Variants in MAP2 observed in about 807,000 individuals in gnomAD.
MAP2 encodes microtubule associated protein 2, also known as microtubule-associated protein 2.
In MAP2, 14 loss-of-function variants were observed where a neutral mutation model predicts 137.6. That is an observed-to-expected ratio of 0.10 (90% confidence interval 0.07 to 0.16). The LOEUF (loss-of-function observed/expected upper bound fraction) is 0.16. MAP2 is among the 10% of genes least tolerant of loss of function. The probability of loss-of-function intolerance (pLI) is 1.00; values close to 1 mark genes in which losing one functional copy is unlikely to be tolerated. For missense variants in MAP2, 2,088 were observed against 2,191.5 expected, an observed-to-expected ratio of 0.95 and a Z score of 0.94; for synonymous variants, 786 against 782.3, an observed-to-expected ratio of 1.00 and a Z score of -0.08.
At chr2:209,681,481 A>G (rs2054538360) in intron 7 of MAP2, among the ~76,000 whole-genome samples, 1 of 152,158 alleles carries the variant, frequency 6.6e-6, no homozygotes, top group Non-Finnish European at 1.5e-5. Context: ...TTCAATTCTC[A>G]TTGATACAAC....
chr2:209,725,368 G>T (rs1037524789), intron 13 of MAP2, among the ~76,000 whole-genome samples: 1 of 152,110 alleles, frequency 6.6e-6, no homozygotes, highest in African/African-American at 2.4e-5. Flanking sequence ...TCTTCCCTTG[G>T]CTCTTTGCTT....
At chr2:209,536,343 T>G (rs1026801074) in intron 2 of MAP2, among the ~76,000 whole-genome samples, 4 of 152,212 alleles carry the variant, frequency 2.6e-5, no homozygotes, top group Non-Finnish European at 5.9e-5. Flanking sequence ...ATCTCTATGC[T>G]TCATTTTGGG....
chr2:209,566,772 T>C (rs559044243), intron 2 of MAP2, among the ~76,000 whole-genome samples: 1 of 152,284 alleles, frequency 6.6e-6, no homozygotes, highest in East Asian at 1.9e-4. Flanking sequence ...AAGTTTCTTT[T>C]TCATCACACT....
At chr2:209,528,771 T>C (rs370194119) in intron 2 of MAP2, among the ~76,000 whole-genome samples, 137 of 148,866 alleles carry the variant, frequency 9.2e-4, no homozygotes, top group East Asian at 2.8e-3. Context: ...TATATATGTA[T>C]ATGTACATAT....
chr2:209,543,027 T>A (rs1300756014), intron 2 of MAP2, among the ~76,000 whole-genome samples: 4 of 152,256 alleles, frequency 2.6e-5, no homozygotes, highest in Non-Finnish European at 4.4e-5. Flanking sequence ...GTTTTTAACA[T>A]GCCTGCCTCA....
At chr2:209,578,549 C>T (rs547831056) in intron 2 of MAP2, among the ~76,000 whole-genome samples, 1 of 151,972 alleles carries the variant, frequency 6.6e-6, no homozygotes, top group Admixed American at 6.5e-5. Context: ...TGCTTCTTCC[C>T]AGCAACCTTC....
chr2:209,512,015 C>T (rs773361235), intron 2 of MAP2, among the ~76,000 whole-genome samples: 1 of 152,096 alleles, frequency 6.6e-6, no homozygotes, highest in Admixed American at 6.6e-5. Context: ...ATCTTTTCCT[C>T]TGGCTTAACC....
intron 2 of MAP2, among the ~76,000 whole-genome samples, chr2:209,545,724 A>T (rs2067919668): frequency 6.6e-6 from 1 of 152,210 alleles, no homozygotes; most frequent in African/African-American, 2.4e-5. Context: ...GAAGTTCAGG[A>T]TCTTTTTGTG....
At chr2:209,689,539 A>C (rs1345145155) in intron 7 of MAP2, among the ~76,000 whole-genome samples, 2 of 152,126 alleles carry the variant, frequency 1.3e-5, no homozygotes, top group African/African-American at 4.8e-5. Flanking sequence ...CTGACATTTC[A>C]AGTGTAAATG....
At chr2:209,657,241 G>C (rs1033348422) in intron 5 of MAP2, among the ~76,000 whole-genome samples, 1 of 152,164 alleles carries the variant, frequency 6.6e-6, no homozygotes. Context: ...ATAAATATAT[G>C]AGTGCAGGTG....
rs58943929 is a variant in MAP2, at chr2:209,428,381, C to CTT, written c.-222+4119_-222+4120dup. Among the ~76,000 whole-genome samples, 803 of 130,972 alleles carry CTT rather than the reference C, an allele frequency of 6.1e-3. 5 individuals are homozygous for CTT. Among genetic ancestry groups the CTT allele is most frequent in the African/African-American group, 0.019 (718 of 37,018 alleles). 85.9% of individuals were successfully genotyped at this position (130,972 alleles called of 152,430 possible). ...AACACACACTAGAGGGGGCAAATTTCTTTTTTTTTTTTTTTGCTTTTTGTT... is the reference window on the plus strand; with the variant it reads ...AACACACACTAGAGGGGGCAAATTTCTTTTTTTTTTTTTTTTTGCTTTTTGTT... On this transcript the variant is annotated intron_variant, in intron 1 of 15. Coordinates refer to ENST00000682079, the MANE Select transcript of MAP2 (RefSeq NM_001375505.1).
At chr2:209,457,162 T>C (rs994205521) in intron 1 of MAP2, among the ~76,000 whole-genome samples, 1 of 152,208 alleles carries the variant, frequency 6.6e-6, no homozygotes, top group East Asian at 1.9e-4. Context: ...TGGTAGTTAT[T>C]TCTTTCTTGG....
chr2:209,459,395 G>A (rs964626485), intron 1 of MAP2, among the ~76,000 whole-genome samples: 1 of 151,946 alleles, frequency 6.6e-6, no homozygotes, highest in African/African-American at 2.4e-5. Context: ...TTTTCCTCTG[G>A]AACTTACTTT....
chr2:209,617,540 T>C (rs1331770461), intron 3 of MAP2, among the ~76,000 whole-genome samples: 1 of 152,130 alleles, frequency 6.6e-6, no homozygotes, highest in Non-Finnish European at 1.5e-5. Flanking sequence ...TCAAGTCTTC[T>C]AGTTAAGAAG....
intron 3 of MAP2, among the ~76,000 whole-genome samples, chr2:209,593,317 T>A (rs904701577): frequency 2.0e-5 from 3 of 151,834 alleles, no homozygotes; most frequent in Non-Finnish European, 2.9e-5. Context: ...AATATCTTGA[T>A]TTTGAAATTT....
At chr2:209,723,620 A>G in intron 13 of MAP2, 1 of 1,613,748 alleles carries the variant, frequency 6.2e-7, no homozygotes, top group East Asian at 2.2e-5. Flanking sequence ...AAGAAGATCG[A>G]TTTTAGCAAA....
chr2:209,566,687 T>C (rs1338675231), intron 2 of MAP2, among the ~76,000 whole-genome samples: 1 of 152,222 alleles, frequency 6.6e-6, no homozygotes, highest in African/African-American at 2.4e-5. Flanking sequence ...TTTTATCATC[T>C]TCACAACCCC....
chr2:209,712,498 A>G (rs2065845610), intron 13 of MAP2, among the ~76,000 whole-genome samples: 1 of 152,208 alleles, frequency 6.6e-6, no homozygotes, highest in African/African-American at 2.4e-5. Context: ...CAGTGGAGTT[A>G]TGAGGTAACT....
chr2:209,545,546 T>C (rs2067884356), intron 2 of MAP2, among the ~76,000 whole-genome samples: 1 of 152,190 alleles, frequency 6.6e-6, no homozygotes, highest in South Asian at 2.1e-4. Context: ...AAGGCTAGTG[T>C]CTTATTAACC....
Sources: allele counts gnomAD v4.1 joint callset (sites outside exome capture counted in the v4.1 genomes callset), GRCh38; gene constraint gnomAD v4.1.1; transcripts MANE v1.5; gene names NCBI Gene and HGNC (gene_info 2026-07-23, HGNC 2026-07-21).